AP3S1: variants seen among roughly 807,000 people sequenced by gnomAD.
AP3S1 encodes the protein AP-3 complex subunit sigma-1.
AP3S1 carries 12 observed loss-of-function variants against 21.3 expected under a neutral mutation model. The ratio of observed to expected loss-of-function variants is 0.56; its 90% confidence interval spans 0.36 to 0.91. The LOEUF is 0.91. AP3S1 is among the 40% of genes least tolerant of loss of function. AP3S1 has a pLI of 0.01. For synonymous variants in AP3S1, 48 were observed against 78.4 expected (o/e 0.61, Z 2.05); for missense variants, 116 against 225.0 (o/e 0.52, Z 3.10).
At chr5:115,853,639 A>G (rs1762601020) in intron 1 of AP3S1, among the ~76,000 whole-genome samples, 1 of 152,090 alleles carries the variant, frequency 6.6e-6, no homozygotes, top group African/African-American at 2.4e-5. Context: ...AGTTTTGTGT[A>G]TGGTGTGAGG....
chr5:115,905,765 C>G (rs1039201481), intron 5 of AP3S1, among the ~76,000 whole-genome samples: 1 of 152,196 alleles, frequency 6.6e-6, no homozygotes, highest in African/African-American at 2.4e-5. Context: ...AGATATTACT[C>G]TGCAGAATAA....
intron 3 of AP3S1, among the ~76,000 whole-genome samples, chr5:115,894,337 G>A (rs1005721389): frequency 2.6e-5 from 4 of 152,116 alleles, no homozygotes; most frequent in East Asian, 1.9e-4. Flanking sequence ...TCAGATCCTC[G>A]GAGAAAAAGC....
At chr5:115,903,018 AG>A in intron 5 of AP3S1, 26 bp downstream of exon 5, 1 of 687,938 alleles carries the variant, frequency 1.5e-6, no homozygotes, top group South Asian at 2.1e-5. Context: ...GCTGTAGTTA[AG>A]AAGGTTCTAA....
chr5:115,896,649 T>C (rs900184569), intron 4 of AP3S1, among the ~76,000 whole-genome samples: 1 of 152,082 alleles, frequency 6.6e-6, no homozygotes, highest in African/African-American at 2.4e-5. Flanking sequence ...TGTGGTGTTA[T>C]GCATCTGTAG....
chr5:115,893,421 T>A (rs1044826472), intron 3 of AP3S1, among the ~76,000 whole-genome samples: 2 of 152,190 alleles, frequency 1.3e-5, no homozygotes, highest in African/African-American at 2.4e-5. Context: ...TATTTCACAT[T>A]TTTTGCGAAA....
At chr5:115,891,753 G>A (rs902840314) in intron 3 of AP3S1, among the ~76,000 whole-genome samples, 1 of 152,136 alleles carries the variant, frequency 6.6e-6, no homozygotes, top group African/African-American at 2.4e-5. Flanking sequence ...CTGACAGCTT[G>A]CACTGTATTC....
In AP3S1 at chr5:115,880,752, C is replaced by G. The variant is rs116603708; in HGVS notation, c.273+10624C>G. ...ACAGCTGAGTTGAAGTTCCGAATAT[C>G]CTTGTTAATTTTCTGTCTTGTGGAT... On this transcript the variant is annotated intron_variant, in intron 3 of 5. Transcript: ENST00000316788. Among the ~76,000 whole-genome samples, 1,054 of 152,214 alleles carry G rather than the reference C, an allele frequency of 6.9e-3. 13 individuals are homozygous for G. Among genetic ancestry groups the G allele is most frequent in the African/African-American group, 0.025 (1,026 of 41,502 alleles).
In AP3S1 at chr5:115,844,653, A is replaced by G. The variant is rs76580370; in HGVS notation, c.69+2547A>G. ...GTCTGTTTGTGTAGGGCGTCATTCTATTCTTGCTGCCTGGAATGTCCTTCC... is the reference window on the plus strand; with the variant it reads ...GTCTGTTTGTGTAGGGCGTCATTCTGTTCTTGCTGCCTGGAATGTCCTTCC... On this transcript the variant is annotated intron_variant, in intron 1 of 5. Transcript: ENST00000316788. 1.8e-3 allele frequency among the ~76,000 whole-genome samples: 276 copies of G among 152,316 alleles called. 1 individual carries two copies. Among genetic ancestry groups the G allele is most frequent in the African/African-American group, 6.4e-3 (266 of 41,566 alleles).
intron 1 of AP3S1, among the ~76,000 whole-genome samples, chr5:115,846,069 G>A (rs1762040660): frequency 6.6e-6 from 1 of 152,016 alleles, no homozygotes; most frequent in Non-Finnish European, 1.5e-5. Flanking sequence ...AATAACTAAT[G>A]AGACTTATAT....
intron 4 of AP3S1, among the ~76,000 whole-genome samples, chr5:115,901,076 G>A (rs993443594): frequency 6.6e-6 from 1 of 152,080 alleles, no homozygotes; most frequent in Non-Finnish European, 1.5e-5. Context: ...ACTGTCATAT[G>A]TATATCAGGC....
chr5:115,878,340 C>T (rs181632604), intron 3 of AP3S1, among the ~76,000 whole-genome samples: 468 of 152,194 alleles, frequency 3.1e-3, no homozygotes, highest in African/African-American at 0.011. Context: ...TTGGGTCTTA[C>T]GTTTAACTCT....
chr5:115,864,093 C>T (rs1241754720), intron 1 of AP3S1, among the ~76,000 whole-genome samples: 2 of 152,190 alleles, frequency 1.3e-5, no homozygotes, highest in Non-Finnish European at 2.9e-5. Flanking sequence ...TAGGCTAACT[C>T]TACTGTTTTG....
chr5:115,879,346 G>C (rs1580687280), intron 3 of AP3S1, among the ~76,000 whole-genome samples: 1 of 152,114 alleles, frequency 6.6e-6, no homozygotes, highest in Admixed American at 6.5e-5. Context: ...GTCATAAATA[G>C]CTCTTATTAT....
intron 3 of AP3S1, among the ~76,000 whole-genome samples, chr5:115,885,034 A>G (rs1298192730): frequency 6.6e-6 from 1 of 152,200 alleles, no homozygotes; most frequent in Non-Finnish European, 1.5e-5. Context: ...TTCTACTTCC[A>G]GAAGTCTGCA....
chr5:115,873,285 G>A (rs984422475), intron 3 of AP3S1, among the ~76,000 whole-genome samples: 6 of 152,102 alleles, frequency 3.9e-5, no homozygotes, highest in African/African-American at 9.7e-5. Flanking sequence ...TCATGTACTC[G>A]TGGAAAGTAG....
intron 3 of AP3S1, among the ~76,000 whole-genome samples, chr5:115,884,789 T>TA (rs1386957297): frequency 2.0e-5 from 3 of 152,196 alleles, no homozygotes; most frequent in East Asian, 1.9e-4. Context: ...TTTTCTGGGT[T>TA]AAAAAATCAC....
rs558086665 is a variant in AP3S1 at position 115,910,453 on chromosome 5, G to A, written c.454-2909G>A. 1.1e-4 allele frequency among the ~76,000 whole-genome samples: 16 copies of A among 151,808 alleles called. No homozygotes were observed. The East Asian group carries it at 1.5e-3, about 15-fold the overall frequency. On this transcript the variant is annotated intron_variant, in intron 5 of 5. Coordinates refer to ENST00000316788, the MANE Select transcript of AP3S1 (RefSeq NM_001284.4). ...GTAAACAATTTCTGTAAGTTTTAGC[G>A]TTGAAAAGTTAAGTGTTAGTAAAAG... is the stretch of plus-strand genomic sequence containing the variant.
At chr5:115,867,473 A>G (rs1399220415) in intron 2 of AP3S1, among the ~76,000 whole-genome samples, 1 of 152,214 alleles carries the variant, frequency 6.6e-6, no homozygotes, top group Admixed American at 6.5e-5. Flanking sequence ...GTTCTCAAAC[A>G]TAAATCAGTC....
intron 1 of AP3S1, among the ~76,000 whole-genome samples, chr5:115,843,408 G>C (rs905610653): frequency 2.6e-5 from 4 of 152,126 alleles, no homozygotes; most frequent in Admixed American, 2.6e-4. Context: ...TTTTGCTTTT[G>C]CTAGCTATAA....
Sources: gnomAD v4.1 joint callset for allele counts (sites outside exome capture counted in the v4.1 genomes callset) on GRCh38, gnomAD v4.1.1 for gene constraint, MANE v1.5 for transcripts, NCBI Gene and HGNC (gene_info 2026-07-23, HGNC 2026-07-21) for gene names.